NTM: variants seen among roughly 807,000 people sequenced by gnomAD.
The protein encoded by NTM is IgLON family member 2.
A neutral mutation model predicts 42.1 loss-of-function variants in NTM; 13 were observed. That is an observed-to-expected ratio of 0.31 (90% CI 0.20 to 0.49). NTM has a LOEUF of 0.49. Among genes scored for constraint, NTM ranks in the 20% least tolerant of loss-of-function variants. The probability of loss-of-function intolerance (pLI) is 0.99; values close to 1 mark genes in which losing one functional copy is unlikely to be tolerated. For missense variants in NTM, 373 were observed against 452.8 expected (o/e 0.82, Z 1.60); for synonymous variants, 187 against 179.2 (o/e 1.04, Z -0.35).
At chr11:131,753,909 AAAG>A (rs1023586692) in intron 1 of NTM, among the ~76,000 whole-genome samples, 69 of 146,752 alleles carry the variant, frequency 4.7e-4, no homozygotes, top group African/African-American at 1.7e-3. Flanking sequence ...AAAATTAAAA[AAAG>A]AAAATGTGGC....
chr11:132,017,415 A>T (rs960612555), intron 2 of NTM, among the ~76,000 whole-genome samples: 2 of 151,956 alleles, frequency 1.3e-5, no homozygotes, highest in Non-Finnish European at 2.9e-5. Flanking sequence ...TTGTCTTAAC[A>T]CTTTTGACAA....
chr11:131,718,731 G>A (rs1018335900), intron 1 of NTM, among the ~76,000 whole-genome samples: 1 of 152,040 alleles, frequency 6.6e-6, no homozygotes, highest in Admixed American at 6.6e-5. Flanking sequence ...TCTATTCTGA[G>A]CACTCTAATG....
intron 2 of NTM, among the ~76,000 whole-genome samples, chr11:131,918,567 T>G (rs552376006): frequency 3.9e-5 from 6 of 152,264 alleles, no homozygotes; most frequent in African/African-American, 1.4e-4. Flanking sequence ...GCTCACATAC[T>G]CAGGTGGGTG....
intron 1 of NTM, among the ~76,000 whole-genome samples, chr11:131,506,882 G>C (rs1320252465): frequency 6.6e-6 from 1 of 152,174 alleles, no homozygotes; most frequent in Non-Finnish European, 1.5e-5. Context: ...AAAACTCACG[G>C]TAGATATTAA....
At chr11:131,659,277 C>T (rs982482264) in intron 1 of NTM, among the ~76,000 whole-genome samples, 9 of 152,222 alleles carry the variant, frequency 5.9e-5, no homozygotes, top group East Asian at 1.9e-4. Flanking sequence ...GTGTTGTGCT[C>T]TTTACAGTTT....
At chr11:132,116,530 T>G (rs2063923694) in intron 2 of NTM, among the ~76,000 whole-genome samples, 1 of 152,192 alleles carries the variant, frequency 6.6e-6, no homozygotes, top group Non-Finnish European at 1.5e-5. Context: ...GCACCTCTTC[T>G]CTGGACTCTT....
At chr11:132,245,914 C>A (rs576147460) in intron 4 of NTM, among the ~76,000 whole-genome samples, 20 of 152,282 alleles carry the variant, frequency 1.3e-4, no homozygotes, top group African/African-American at 3.9e-4. Context: ...GAGTAGAAAG[C>A]CCGCAGGATT....
chr11:131,650,145 G>A (rs1015556108), intron 1 of NTM, among the ~76,000 whole-genome samples: 9 of 152,206 alleles, frequency 5.9e-5, no homozygotes, highest in Non-Finnish European at 1.2e-4. Flanking sequence ...TAGCAGGACC[G>A]TGAGGCAGTC....
chr11:131,563,151 C>T (rs1160983866), intron 1 of NTM, among the ~76,000 whole-genome samples: 2 of 152,172 alleles, frequency 1.3e-5, no homozygotes, highest in African/African-American at 4.8e-5. Flanking sequence ...AACTGCAAGG[C>T]TTAATTAATT....
At chr11:131,952,738 A>T (rs1405225845) in intron 2 of NTM, among the ~76,000 whole-genome samples, 1 of 152,200 alleles carries the variant, frequency 6.6e-6, no homozygotes, top group East Asian at 1.9e-4. Context: ...AAAAAGAAGA[A>T]ATTTATTACT....
At chr11:131,572,800 T>G (rs2137102525) in intron 1 of NTM, among the ~76,000 whole-genome samples, 1 of 152,318 alleles carries the variant, frequency 6.6e-6, no homozygotes, top group East Asian at 1.9e-4. Flanking sequence ...CACAGGGAGA[T>G]GAAGACTTCA....
At chr11:131,748,592 A>G (rs1591579836) in intron 1 of NTM, among the ~76,000 whole-genome samples, 1 of 152,200 alleles carries the variant, frequency 6.6e-6, no homozygotes, top group Non-Finnish European at 1.5e-5. Flanking sequence ...CTCTTACTCC[A>G]TGAAGTGATT....
At chr11:131,458,872 T>C (rs1221326427) in intron 1 of NTM, among the ~76,000 whole-genome samples, 1 of 152,260 alleles carries the variant, frequency 6.6e-6, no homozygotes, top group Non-Finnish European at 1.5e-5. Flanking sequence ...TCCGTAGGTT[T>C]GTAGTCCAAG....
chr11:132,320,911 G>A (rs536183382), intron 7 of NTM, among the ~76,000 whole-genome samples: 12 of 151,570 alleles, frequency 7.9e-5, no homozygotes, highest in South Asian at 4.2e-4. Context: ...CCCCAGCAGG[G>A]CCACACTGAC....
intron 1 of NTM, among the ~76,000 whole-genome samples, chr11:131,789,035 A>C (rs73595137): frequency 0.062 from 9,411 of 151,702 alleles, 967 homozygotes; most frequent in African/African-American, 0.22. Context: ...TGCGTGGAGC[A>C]CTCTCTGAAT....
intron 4 of NTM, among the ~76,000 whole-genome samples, chr11:132,224,520 C>T (rs2085807332): frequency 6.6e-6 from 1 of 152,120 alleles, no homozygotes; most frequent in African/African-American, 2.4e-5. Flanking sequence ...TGGTGTTAAT[C>T]CCACATGTTC....
At chr11:132,175,739 C>G (rs1004168850) in intron 3 of NTM, among the ~76,000 whole-genome samples, 5 of 152,114 alleles carry the variant, frequency 3.3e-5, no homozygotes, top group Admixed American at 3.3e-4. Flanking sequence ...AGGTGCCCGC[C>G]ACCATGCCTG....
chr11:131,760,730 A>T (rs1412423361), intron 1 of NTM, among the ~76,000 whole-genome samples: 1 of 152,190 alleles, frequency 6.6e-6, no homozygotes, highest in African/African-American at 2.4e-5. Context: ...TGGGCCCTGC[A>T]ACACAAGGGC....
intron 1 of NTM, among the ~76,000 whole-genome samples, chr11:131,762,122 C>A (rs747673495): frequency 5.9e-5 from 9 of 152,338 alleles, no homozygotes; most frequent in Admixed American, 3.9e-4. Context: ...GACTAATACA[C>A]CAGGTTCATT....
Sources: allele counts gnomAD v4.1 joint callset (sites outside exome capture counted in the v4.1 genomes callset), GRCh38; gene constraint gnomAD v4.1.1; transcripts MANE v1.5; gene names NCBI Gene and HGNC (gene_info 2026-07-23, HGNC 2026-07-21).